CGNL1: variants seen among roughly 807,000 people sequenced by gnomAD.
CGNL1 encodes the protein cingulin like 1.
A neutral mutation model predicts 141.2 loss-of-function variants in CGNL1; 132 were observed. That is an observed-to-expected ratio of 0.93 (90% CI 0.81 to 1.08). The LOEUF (loss-of-function observed/expected upper bound fraction) is 1.08. Among genes scored for constraint, CGNL1 ranks in the 50% least tolerant of loss-of-function variants. The pLI, the probability that CGNL1 is intolerant of heterozygous loss-of-function variation, is 0.00. For synonymous variants in CGNL1, 690 were observed against 622.1 expected (o/e 1.11, Z -1.63); for missense variants, 1,870 against 1,588.6 (o/e 1.18, Z -3.01).
chr15:57,478,412 G>C (rs2063683626), intron 8 of CGNL1: 1 of 152,312 alleles, frequency 6.6e-6, no homozygotes, highest in South Asian at 2.1e-4. Context: ...GGTGCTGCGA[G>C]AAGGTTCACC....
In CGNL1 at chr15:57,438,662, C is replaced by G. The variant is rs752031482; in HGVS notation, c.663C>G (p.Ser221=). The G allele has an allele frequency of 6.2e-7, 1 of 1,614,162 alleles. No individual in the cohort carries two copies. The highest frequency in any genetic ancestry group is 8.5e-7 in the Non-Finnish European group (1 of 1,180,046). ...TGACAGCTATTCGTTTATGCAGCTC[C>G]GTGGTCATAGAGGACCCCAAAAAGC... ...SGVTAIRLCS[S]VVIEDPKKQT... The change falls in exon 2 of 19, where the codon TCC becomes TCG. Residue 221 remains serine (S), a synonymous_variant. Coordinates refer to ENST00000281282, the MANE Select transcript of CGNL1 (RefSeq NM_032866.5).
rs564143727 is a variant in CGNL1 at position 57,397,515 on chromosome 15, AAATT to A, written c.-16+20953_-16+20956del. On this transcript the variant is annotated intron_variant, in intron 1 of 18. Coordinates refer to ENST00000281282, the MANE Select transcript of CGNL1 (RefSeq NM_032866.5). ...ATTTATTTTTTGATGTACATTTTGT[AAATT>A]AATTTTTATAATGCTTCAAAAGCTA... 5.3e-3 allele frequency among the ~76,000 whole-genome samples: 804 copies of A among 152,334 alleles called. 10 individuals are homozygous for A. Among genetic ancestry groups the A allele is most frequent in the South Asian group, 0.029 (139 of 4,830 alleles).
chr15:57,446,345 G>C (rs2063251250), intron 4 of CGNL1, among the ~76,000 whole-genome samples: 1 of 152,094 alleles, frequency 6.6e-6, no homozygotes, highest in Non-Finnish European at 1.5e-5. Flanking sequence ...AGGTTTCCTG[G>C]GTTTCCTGTG....
chr15:57,461,636 G>A, intron 7 of CGNL1, 44 bp from the exon 8 acceptor site: 1 of 1,545,366 alleles, frequency 6.5e-7, no homozygotes, highest in Middle Eastern at 1.7e-4. Context: ...CTCTCAACAA[G>A]ATGTTTCATT....
At position 57,411,182 on chromosome 15, in the gene CGNL1, T is replaced by C. The variant is rs142883508; in HGVS notation, c.-15-26803T>C. Among the ~76,000 whole-genome samples, 1,493 of 152,308 alleles carry C rather than the reference T, an allele frequency of 9.8e-3. 19 individuals carry two copies. Among genetic ancestry groups the C allele is most frequent in the African/African-American group, 0.034 (1,432 of 41,572 alleles). On this transcript the variant is annotated intron_variant, in intron 1 of 18. Transcript: ENST00000281282. ...CAGAGACTTTTCTGACATGAGCCGGTCTCTGAGTCTTCCTTTTTAGAATAC... is the reference window on the plus strand; with the variant it reads ...CAGAGACTTTTCTGACATGAGCCGGCCTCTGAGTCTTCCTTTTTAGAATAC...
chr15:57,507,203 T>C (rs2064114926), intron 8 of CGNL1, among the ~76,000 whole-genome samples: 1 of 152,236 alleles, frequency 6.6e-6, no homozygotes, highest in Non-Finnish European at 1.5e-5. Flanking sequence ...TGGAGCATGT[T>C]GTGTTTCGGA....
chr15:57,438,190 T>A lies in CGNL1; in HGVS notation c.191T>A (p.Leu64Gln). The A allele has an allele frequency of 6.2e-7, 1 of 1,614,140 alleles. No homozygotes were observed. Among genetic ancestry groups the A allele is most frequent in the South Asian group, 1.1e-5 (1 of 91,084 alleles). ...YIVLNNTERC[L>Q]AGTSFSENGP... The stretch of plus-strand genomic sequence containing the variant: ...GTCCTGAATAACACAGAACGGTGCC[T>A]AGCAGGCACATCGTTTTCTGAAAAT... The change falls in exon 2 of 19, where the codon CTA (leucine) becomes CAA (glutamine). Residue 64 changes from leucine to glutamine, a missense_variant. Coordinates refer to ENST00000281282, the MANE Select transcript of CGNL1 (RefSeq NM_032866.5).
chr15:57,408,338 G>A (rs1363298813), intron 1 of CGNL1, among the ~76,000 whole-genome samples: 1 of 152,022 alleles, frequency 6.6e-6, no homozygotes, highest in Non-Finnish European at 1.5e-5. Flanking sequence ...AGTGACTTGC[G>A]TTGATAGACA....
At chr15:57,425,902 A>T (rs1483731634) in intron 1 of CGNL1, among the ~76,000 whole-genome samples, 9 of 152,002 alleles carry the variant, frequency 5.9e-5, no homozygotes, top group African/African-American at 1.9e-4. Flanking sequence ...AAATTGTGAA[A>T]CTTTTCTTGC....
At chr15:57,474,352 G>A (rs576243237) in intron 8 of CGNL1, among the ~76,000 whole-genome samples, 11 of 152,152 alleles carry the variant, frequency 7.2e-5, no homozygotes, top group Non-Finnish European at 1.6e-4. Flanking sequence ...CTTTGAAGCT[G>A]CATTTTCTGA....
intron 14 of CGNL1, among the ~76,000 whole-genome samples, chr15:57,534,218 C>T (rs556595291): frequency 2.4e-4 from 37 of 152,380 alleles, no homozygotes; most frequent in Admixed American, 1.1e-3. Context: ...CCTACCAGCT[C>T]TCTTTCCCTC....
intron 8 of CGNL1, among the ~76,000 whole-genome samples, chr15:57,513,256 GT>G (rs2030483657): frequency 3.6e-5 from 4 of 110,798 alleles, no homozygotes; most frequent in African/African-American, 7.0e-5. Flanking sequence ...CAATATGGGT[GT>G]GTGTGTGTGT....
At position 57,527,889 on chromosome 15, in the gene CGNL1, A is replaced by G. The variant is rs536612516; in HGVS notation, c.3040-765A>G. Among the ~76,000 whole-genome samples, 7 of 152,380 alleles carry G rather than the reference A, an allele frequency of 4.6e-5. No homozygotes were observed. The East Asian group carries it at 1.3e-3, about 29-fold the overall frequency. On this transcript the variant is annotated intron_variant, in intron 12 of 18. Coordinates refer to ENST00000281282, the MANE Select transcript of CGNL1 (RefSeq NM_032866.5). Reference sequence around the variant, plus strand: ...TGAGGTGACAGTGATACAGGTAGACAATAAATTACCCCCTGGGAAACATGT... The same window carrying G: ...TGAGGTGACAGTGATACAGGTAGACGATAAATTACCCCCTGGGAAACATGT...
At position 57,549,351 on chromosome 15, in the gene CGNL1, C is replaced by T. The variant is rs2033013767; in HGVS notation, c.*1861C>T. The stretch of plus-strand genomic sequence containing the variant: ...GCTTCAGCAGTGTCCCCAACCATCC[C>T]AATAGGGTGGGGGCCTGTGGGCCAG... On this transcript the variant is annotated 3_prime_UTR_variant, in exon 19 of 19. Coordinates refer to ENST00000281282, the MANE Select transcript of CGNL1 (RefSeq NM_032866.5). 1 of 152,168 alleles carries T rather than the reference C, an allele frequency of 6.6e-6. No individual in the cohort carries two copies. The highest frequency in any genetic ancestry group is 2.4e-5 in the African/African-American group (1 of 41,428). The allele number at this position is 152,168 out of a possible 1,614,324, so 9.4% of individuals were successfully genotyped here. A position where few individuals can be genotyped will look rare whatever the true frequency, so the allele number is the denominator to read the frequency against.
chr15:57,390,093 G>C (rs547545180), intron 1 of CGNL1, among the ~76,000 whole-genome samples: 1 of 152,356 alleles, frequency 6.6e-6, no homozygotes. Flanking sequence ...TGGGATTACA[G>C]GTGTGAGCCA....
rs1228968659 is a variant in CGNL1, at chr15:57,547,533, G to C, written c.*43G>C. 6.3e-7 allele frequency: 1 copy of C among 1,597,502 alleles called. No homozygotes were observed. Among genetic ancestry groups the C allele is most frequent in the Non-Finnish European group, 8.5e-7 (1 of 1,171,004 alleles). On this transcript the variant is annotated 3_prime_UTR_variant, in exon 19 of 19. Coordinates refer to ENST00000281282, the MANE Select transcript of CGNL1 (RefSeq NM_032866.5). ...GGAAGTACCTGTCATTCCTGCAGGA[G>C]CTGCAGCCACCCAAAGTGGGAGGCA... is the stretch of plus-strand genomic sequence containing the variant.
chr15:57,458,053 T>C (rs1386609879), intron 7 of CGNL1, among the ~76,000 whole-genome samples: 3 of 152,206 alleles, frequency 2.0e-5, no homozygotes, highest in Non-Finnish European at 2.9e-5. Flanking sequence ...TCTCAGAGCT[T>C]CGTTCGTTTA....
intron 1 of CGNL1, chr15:57,406,162 GC>G (rs2062720572): frequency 6.6e-6 from 1 of 152,394 alleles, no homozygotes; most frequent in Admixed American, 6.5e-5. Flanking sequence ...TGTTGGCAAA[GC>G]CTTTTCTACC....
intron 5 of CGNL1, 90 bp downstream of exon 5, chr15:57,451,691 G>GC: frequency 1.1e-6 from 1 of 899,800 alleles, no homozygotes; most frequent in Non-Finnish European, 1.7e-6. Flanking sequence ...CAGAGTGAAA[G>GC]CCAATTTTTT....
Sources: allele counts gnomAD v4.1 joint callset (sites outside exome capture counted in the v4.1 genomes callset), GRCh38; gene constraint gnomAD v4.1.1; transcripts MANE v1.5; gene names NCBI Gene and HGNC (gene_info 2026-07-23, HGNC 2026-07-21).